The following NCAPH variants were observed in gnomAD, a reference collection of about 807,000 sequenced individuals.
NCAPH encodes non-SMC condensin I complex subunit H.
Under a neutral mutation model 85.5 loss-of-function variants are expected in NCAPH, and 38 were observed. That is an observed-to-expected ratio of 0.44 (90% CI 0.34 to 0.58). The LOEUF is 0.58. Among genes scored for constraint, NCAPH ranks in the 20% least tolerant of loss-of-function variants. The pLI is 0.01. For synonymous variants in NCAPH, 301 were observed against 335.1 expected, an observed-to-expected ratio of 0.90 and a Z score of 1.11; for missense variants, 789 against 916.6, an observed-to-expected ratio of 0.86 and a Z score of 1.80.
rs2064837955 is a variant in NCAPH at position 96,376,894 on chromosome 2, T to C, written c.*3543T>C. Among the ~76,000 whole-genome samples the C allele has an allele frequency of 6.6e-6, 1 of 152,132 alleles. No homozygotes were observed. The highest frequency in any genetic ancestry group is 6.5e-5 in the Admixed American group (1 of 15,274). On this transcript the variant is annotated 3_prime_UTR_variant, in exon 18 of 18. Transcript: ENST00000240423. ...AGCACAATAGGGTGACTATAGTCAA[T>C]AATAACAATTGTATATTTTAAAATA...
intron 6 of NCAPH, among the ~76,000 whole-genome samples, chr2:96,345,019 T>C (rs2064344586): frequency 6.6e-6 from 1 of 152,130 alleles, no homozygotes; most frequent in Non-Finnish European, 1.5e-5. Flanking sequence ...TCCACAACAT[T>C]CATAAATGGT....
chr2:96,339,491 C>T (rs1464818835), intron 1 of NCAPH, among the ~76,000 whole-genome samples: 1 of 151,154 alleles, frequency 6.6e-6, no homozygotes, highest in Non-Finnish European at 1.5e-5. Flanking sequence ...ACTCAGGAGG[C>T]TGAGGCAGGA....
Position 96,375,432 on chromosome 2 carries a change from G to A in NCAPH, c.*2081G>A, listed in dbSNP as rs934609350. ...GGCAGATCCCTCGTGAATGGGATTA[G>A]TGCTCTTATAAAAGAGGCCTGAGGA... is the stretch of plus-strand genomic sequence containing the variant. On this transcript the variant is annotated 3_prime_UTR_variant, in exon 18 of 18. Transcript: ENST00000240423. Among the ~76,000 whole-genome samples the A allele has an allele frequency of 2.0e-5, 3 of 152,120 alleles. No homozygotes were observed. The highest frequency in any genetic ancestry group is 2.9e-5 in the Non-Finnish European group (2 of 68,020).
intron 1 of NCAPH, chr2:96,341,388 G>T (rs749736510): frequency 6.2e-6 from 3 of 481,464 alleles, no homozygotes; most frequent in Non-Finnish European, 1.1e-5. Context: ...TTATATCCAT[G>T]CAGTACTTAA....
At position 96,353,688 on chromosome 2, in the gene NCAPH, A is replaced by G. The variant is rs938785187; in HGVS notation, c.1002+291A>G. Among the ~76,000 whole-genome samples the G allele has an allele frequency of 5.3e-5, 8 of 151,754 alleles. No homozygotes were observed. The East Asian group carries it at 1.4e-3, about 26-fold the overall frequency. On this transcript the variant is annotated intron_variant, in intron 8 of 17. Coordinates refer to ENST00000240423, the MANE Select transcript of NCAPH (RefSeq NM_015341.5). The stretch of plus-strand genomic sequence containing the variant: ...TCAGTGAACATTTATAATTAGATTT[A>G]CTCTTGAATGTGGTTATCCCAGTGG...
At chr2:96,353,167 G>A in intron 7 of NCAPH, 139 bp from the exon 8 acceptor site, 1 of 700,802 alleles carries the variant, frequency 1.4e-6, no homozygotes, top group Non-Finnish European at 2.4e-6. Context: ...AGCCACTGAT[G>A]ATACTTGAGC....
intron 14 of NCAPH, 74 bp downstream of exon 14, chr2:96,366,132 C>G: frequency 2.0e-6 from 3 of 1,477,418 alleles, no homozygotes; most frequent in Non-Finnish European, 2.8e-6. Context: ...GAGAGTCACG[C>G]AATCTGAGCT....
chr2:96,340,383 CTTTTTTTTTTTTT>C (rs908160989), intron 1 of NCAPH, among the ~76,000 whole-genome samples: 1 of 91,240 alleles, frequency 1.1e-5, no homozygotes, highest in African/African-American at 4.2e-5. Context: ...TAATAAGCAT[CTTTTTTTTTTTTT>C]TTTTTTTTTT....
At chr2:96,348,310 C>T (rs2064388835) in intron 6 of NCAPH, among the ~76,000 whole-genome samples, 1 of 151,852 alleles carries the variant, frequency 6.6e-6, no homozygotes, top group South Asian at 2.1e-4. Context: ...CTGCCTCAGC[C>T]TCCAGAGTAG....
rs1307526529 is a variant in NCAPH at position 96,360,775 on chromosome 2, G to C, written c.1587+65G>C. The C allele has an allele frequency of 3.8e-6, 6 of 1,586,638 alleles. No homozygotes were observed. In the African/African-American group the frequency reaches 8.1e-5, roughly 21 times the overall value. On this transcript the variant is annotated intron_variant, in intron 12 of 17. Coordinates refer to ENST00000240423, the MANE Select transcript of NCAPH (RefSeq NM_015341.5). ...CAAGTGGCTGATAGTATGACAGTTA[G>C]GCAGTGCCTTTGAGGAAAAGGGAGA...
At chr2:96,366,182 A>G (rs2064697127) in intron 14 of NCAPH, 124 bp downstream of exon 14, 1 of 1,083,936 alleles carries the variant, frequency 9.2e-7, no homozygotes, top group Admixed American at 2.5e-5. Flanking sequence ...TTGCTCTCCA[A>G]GTTTTAAATA....
At chr2:96,363,233 A>G (rs540826688) in intron 12 of NCAPH, among the ~76,000 whole-genome samples, 8 of 152,350 alleles carry the variant, frequency 5.3e-5, no homozygotes, top group Middle Eastern at 3.4e-3. Flanking sequence ...ATTGTTTTTT[A>G]GACATATACT....
chr2:96,340,559 T>A (rs2064278550), intron 1 of NCAPH, among the ~76,000 whole-genome samples: 1 of 151,956 alleles, frequency 6.6e-6, no homozygotes, highest in African/African-American at 2.4e-5. Flanking sequence ...TCCAGCTAAC[T>A]TTTGTATTTT....
At chr2:96,370,942 G>A (rs905519653) in intron 17 of NCAPH, among the ~76,000 whole-genome samples, 8 of 152,290 alleles carry the variant, frequency 5.3e-5, no homozygotes, top group South Asian at 2.1e-4. Flanking sequence ...CGGTGACTGC[G>A]GAGAGAGGAC....
At chr2:96,363,458 G>A (rs1199804060) in intron 12 of NCAPH, among the ~76,000 whole-genome samples, 2 of 152,180 alleles carry the variant, frequency 1.3e-5, no homozygotes, top group African/African-American at 2.4e-5. Context: ...TTATTGTTTA[G>A]TAGTAGTTTT....
intron 6 of NCAPH, among the ~76,000 whole-genome samples, chr2:96,350,217 A>G (rs532423604): frequency 1.3e-5 from 2 of 152,384 alleles, no homozygotes; most frequent in South Asian, 4.1e-4. Flanking sequence ...ACAGTCAGCC[A>G]TAATTCATTG....
At chr2:96,361,483 A>G (rs1013025744) in intron 12 of NCAPH, among the ~76,000 whole-genome samples, 13 of 152,008 alleles carry the variant, frequency 8.6e-5, no homozygotes, top group African/African-American at 2.7e-4. Context: ...GAAGTCTCCT[A>G]GGGCTCTACA....
rs865866339 is a variant in NCAPH, at chr2:96,335,849, G to T, written c.19+1G>T. On this transcript the variant is annotated splice_donor_variant, in intron 1 of 17. Coordinates refer to ENST00000240423, the MANE Select transcript of NCAPH (RefSeq NM_015341.5). LOFTEE classifies it high-confidence loss of function. ...GGAAAGATGGGACCTCCCGGCCCAG[G>T]TGAGCCGGGCGGTCGGGAGGCGCGG... 2 of 1,491,752 alleles carry T rather than the reference G, an allele frequency of 1.3e-6. No homozygotes were observed. Among genetic ancestry groups the T allele is most frequent in the Non-Finnish European group, 1.8e-6 (2 of 1,124,404 alleles). The allele number at this position is 1,491,752 out of a possible 1,614,324, so 92.4% of individuals were successfully genotyped here. A position where few individuals can be genotyped will look rare whatever the true frequency, so the allele number is the denominator to read the frequency against.
chr2:96,356,457 G>A, intron 9 of NCAPH, among the ~76,000 whole-genome samples: 1 of 152,190 alleles, frequency 6.6e-6, no homozygotes, highest in Non-Finnish European at 1.5e-5. Context: ...TGTGCAAGAT[G>A]CTGCGCCAGG....
Sources: gnomAD v4.1 joint callset for allele counts (sites outside exome capture counted in the v4.1 genomes callset) on GRCh38, gnomAD v4.1.1 for gene constraint, MANE v1.5 for transcripts, NCBI Gene and HGNC (gene_info 2026-07-23, HGNC 2026-07-21) for gene names.